NACC2: variants seen among roughly 807,000 people sequenced by gnomAD.
The protein encoded by NACC2 is nucleus accumbens-associated protein 2.
NACC2 carries 8 observed loss-of-function variants against 25.1 expected under a neutral mutation model. The observed-to-expected ratio is 0.32, with a 90% confidence interval of 0.19 to 0.57. The LOEUF (loss-of-function observed/expected upper bound fraction) is 0.57. Ranked by LOEUF, NACC2 falls within the 20% of genes least tolerant of loss-of-function variation. The probability of loss-of-function intolerance (pLI) is 0.89; values close to 1 mark genes in which losing one functional copy is unlikely to be tolerated. For missense variants in NACC2, 644 were observed against 650.2 expected (o/e 0.99, Z 0.10); for synonymous variants, 435 against 294.7 (o/e 1.48, Z -4.88).
intron 1 of NACC2, among the ~76,000 whole-genome samples, chr9:136,082,644 G>A (rs1020932333): frequency 1.2e-4 from 17 of 140,178 alleles, no homozygotes; most frequent in African/African-American, 4.3e-4. Context: ...CCAGGCCCGC[G>A]CTGCCTCCAC....
intron 1 of NACC2, among the ~76,000 whole-genome samples, chr9:136,073,289 G>A (rs117675937): frequency 0.034 from 5,167 of 152,104 alleles, 166 homozygotes; most frequent in East Asian, 0.17. Flanking sequence ...AACTAGCTGG[G>A]CATGGTGGAG....
At chr9:136,024,533 G>GT (rs770978573) in intron 2 of NACC2, among the ~76,000 whole-genome samples, 19 of 106,684 alleles carry the variant, frequency 1.8e-4, no homozygotes, top group South Asian at 7.1e-4. Context: ...GTGTGTGTGT[G>GT]GACAGTGTGT....
intron 1 of NACC2, among the ~76,000 whole-genome samples, chr9:136,075,382 C>T (rs925828849): frequency 6.6e-6 from 1 of 152,246 alleles, no homozygotes; most frequent in Admixed American, 6.5e-5. Flanking sequence ...CTGAAGCGCT[C>T]ATTACAGGGT....
At chr9:136,066,323 A>C (rs1841080674) in intron 1 of NACC2, among the ~76,000 whole-genome samples, 3 of 152,240 alleles carry the variant, frequency 2.0e-5, no homozygotes, top group Non-Finnish European at 4.4e-5. Context: ...CAAATAACTC[A>C]ATTTAAAAAT....
At chr9:136,078,861 G>T (rs1272248510) in intron 1 of NACC2, among the ~76,000 whole-genome samples, 2 of 152,316 alleles carry the variant, frequency 1.3e-5, no homozygotes, top group East Asian at 3.9e-4. Context: ...CTCGCCCCTT[G>T]TCCAGGCGAC....
At chr9:136,057,156 G>A (rs1840937695) in intron 1 of NACC2, among the ~76,000 whole-genome samples, 1 of 152,214 alleles carries the variant, frequency 6.6e-6, no homozygotes, top group South Asian at 2.1e-4. Flanking sequence ...CCGGGGGTCT[G>A]GTCCAGGGGC....
rs997781729 is a variant in NACC2, at chr9:136,052,876, G to A, written c.-59-2296C>T. Among the ~76,000 whole-genome samples the A allele has an allele frequency of 9.8e-5, 15 of 152,336 alleles. No individual in the cohort carries two copies. The East Asian group carries it at 2.9e-3, about 29-fold the overall frequency. On this transcript the variant is annotated intron_variant, in intron 1 of 5. Transcript: ENST00000277554. ...GGGGCTGCTGCTGTGCAGGACTTGT[G>A]GTGGCCCCGGGACCCCTCCAGAGAA...
intron 2 of NACC2, among the ~76,000 whole-genome samples, chr9:136,023,835 G>A (rs1840333405): frequency 6.6e-6 from 1 of 152,252 alleles, no homozygotes. Flanking sequence ...GTCTGTGTGT[G>A]CTGAGAAGGA....
At chr9:136,060,960 G>A (rs1409180995) in intron 1 of NACC2, among the ~76,000 whole-genome samples, 1 of 152,160 alleles carries the variant, frequency 6.6e-6, no homozygotes, top group African/African-American at 2.4e-5. Context: ...GGGAGGGGAG[G>A]GTGTCACCCC....
At chr9:136,024,345 C>T (rs1588560886) in intron 2 of NACC2, among the ~76,000 whole-genome samples, 1 of 70,856 alleles carries the variant, frequency 1.4e-5, no homozygotes, top group Non-Finnish European at 2.8e-5. Context: ...TGTGTGAGGA[C>T]AGAGTGTGTG....
At chr9:136,083,082 T>C (rs1286284739) in intron 1 of NACC2, among the ~76,000 whole-genome samples, 2 of 152,230 alleles carry the variant, frequency 1.3e-5, no homozygotes, top group African/African-American at 4.8e-5. Context: ...CGGCAGAACC[T>C]TTCTGGCACC....
At chr9:136,061,258 G>C (rs76386759) in intron 1 of NACC2, among the ~76,000 whole-genome samples, 3,199 of 152,310 alleles carry the variant, frequency 0.021, 127 homozygotes, top group African/African-American at 0.073. Flanking sequence ...CCCAGCTGGA[G>C]TGGTCACCAA....
At chr9:136,091,003 G>C (rs1375085509) in intron 1 of NACC2, among the ~76,000 whole-genome samples, 1 of 152,186 alleles carries the variant, frequency 6.6e-6, no homozygotes, top group East Asian at 1.9e-4. Flanking sequence ...CCATGGCCCT[G>C]TGCCCTCCTG....
At chr9:136,066,947 TA>T (rs57371679) in intron 1 of NACC2, among the ~76,000 whole-genome samples, 12,503 of 139,714 alleles carry the variant, frequency 0.089, 1,040 homozygotes, top group African/African-American at 0.23. Flanking sequence ...TTAAAAAGAT[TA>T]AAAAAAAAAA....
intron 2 of NACC2, among the ~76,000 whole-genome samples, chr9:136,026,206 T>G (rs111601271): frequency 0.047 from 7,041 of 151,318 alleles, 356 homozygotes; most frequent in African/African-American, 0.12. Context: ...CCAGGTGTGG[T>G]GGTGCGCACC....
At chr9:136,093,878 T>C (rs1334238564) in intron 1 of NACC2, among the ~76,000 whole-genome samples, 2 of 150,804 alleles carry the variant, frequency 1.3e-5, no homozygotes, top group African/African-American at 2.4e-5. Flanking sequence ...TGCTGGGGGG[T>C]GCTACAGGCT....
chr9:136,050,198 C>T lies in NACC2; in HGVS notation c.324G>A (p.Gln108=), dbSNP rs1840798765. The T allele has an allele frequency of 2.6e-6, 2 of 772,560 alleles. No homozygotes were observed. Among genetic ancestry groups the T allele is most frequent in the South Asian group, 1.4e-5 (1 of 73,544 alleles). 47.9% of individuals were successfully genotyped at this position (772,560 alleles called of 1,614,324 possible). Residue 108 remains glutamine, a synonymous_variant, in exon 2 of 6, where the codon CAG becomes CAA. Coordinates refer to ENST00000277554, the MANE Select transcript of NACC2 (RefSeq NM_144653.5). The part of the protein sequence containing the change: ...LVVMYTAGFL[Q]IQHIVERGTD... Reference sequence around the variant, plus strand: ...TGCCGCGCTCCACGATGTGCTGGATCTGCAGGAAGCCGGCCGTGTACATGA... The same window carrying T: ...TGCCGCGCTCCACGATGTGCTGGATTTGCAGGAAGCCGGCCGTGTACATGA...
intron 1 of NACC2, among the ~76,000 whole-genome samples, chr9:136,051,511 G>A (rs954127421): frequency 6.6e-6 from 1 of 152,170 alleles, no homozygotes; most frequent in South Asian, 2.1e-4. Context: ...TGCGGACTCC[G>A]GAGGGGGCGG....
chr9:136,068,871 T>C (rs2131176731), intron 1 of NACC2, among the ~76,000 whole-genome samples: 1 of 150,322 alleles, frequency 6.7e-6, no homozygotes, highest in South Asian at 2.1e-4. Flanking sequence ...TTCCATTAAA[T>C]GTAAATGATC....
Sources: gnomAD v4.1 joint callset for allele counts (sites outside exome capture counted in the v4.1 genomes callset) on GRCh38, gnomAD v4.1.1 for gene constraint, MANE v1.5 for transcripts, NCBI Gene and HGNC (gene_info 2026-07-23, HGNC 2026-07-21) for gene names.